Variants in TRPC7 observed in about 807,000 individuals in gnomAD.
TRPC7 encodes transient receptor potential cation channel subfamily C member 7.
TRPC7 carries 42 observed loss-of-function variants against 90.1 expected under a neutral mutation model. The ratio of observed to expected loss-of-function variants is 0.47; its 90% CI spans 0.36 to 0.60. The LOEUF (loss-of-function observed/expected upper bound fraction) is 0.60, where lower values mean the gene tolerates loss of function less well. TRPC7 is among the 20% of genes least tolerant of loss of function. The probability of loss-of-function intolerance (pLI) is 0.00; values close to 1 mark genes in which losing one functional copy is unlikely to be tolerated. For missense variants in TRPC7, 955 were observed against 1,112.3 expected, an observed-to-expected ratio of 0.86 and a Z score of 2.01; for synonymous variants, 451 against 436.3, an observed-to-expected ratio of 1.03 and a Z score of -0.42.
chr5:136,274,837 A>T lies in TRPC7; in HGVS notation c.964T>A (p.Phe322Ile), dbSNP rs1165731705. The T allele has an allele frequency of 2.2e-5, 35 of 1,556,056 alleles. No individual in the cohort carries two copies. The highest frequency in any genetic ancestry group is 3.0e-5 in the Non-Finnish European group (35 of 1,150,226). Residue 322 changes from phenylalanine (F) to isoleucine (I), a missense_variant and splice_region_variant, in exon 4 of 12, where the codon TTC (phenylalanine) becomes ATC (isoleucine). Transcript: ENST00000513104. ...KLAIKYEVKK[F>I]VAHPNCQQQL... ...TGCTGACAGTTAGGATGAGCAACGA[A>T]CTGTAAAAACAAAACAAAAACAAAA...
chr5:136,220,205 C>T (rs978437037), intron 10 of TRPC7, among the ~76,000 whole-genome samples: 1 of 152,144 alleles, frequency 6.6e-6, no homozygotes, highest in Non-Finnish European at 1.5e-5. Context: ...TGAAAAAGAA[C>T]AGAATAACAG....
chr5:136,278,500 A>G (rs904041359), intron 3 of TRPC7, among the ~76,000 whole-genome samples: 1 of 152,248 alleles, frequency 6.6e-6, no homozygotes, highest in African/African-American at 2.4e-5. Context: ...CATGATGAAC[A>G]GATAAATGAT....
intron 3 of TRPC7, among the ~76,000 whole-genome samples, chr5:136,313,168 C>T (rs1042079378): frequency 2.6e-5 from 4 of 152,022 alleles, no homozygotes; most frequent in Non-Finnish European, 5.9e-5. Context: ...AAAACAAAAG[C>T]TGTTTGACTG....
chr5:136,353,342 A>G (rs1288013042), intron 2 of TRPC7, among the ~76,000 whole-genome samples: 1 of 152,216 alleles, frequency 6.6e-6, no homozygotes, highest in Non-Finnish European at 1.5e-5. Flanking sequence ...CTTCCTAGTC[A>G]GGAAGAGTTT....
At chr5:136,251,101 T>C (rs867145176) in intron 6 of TRPC7, among the ~76,000 whole-genome samples, 1 of 152,218 alleles carries the variant, frequency 6.6e-6, no homozygotes, top group Non-Finnish European at 1.5e-5. Context: ...ATGTTATAAC[T>C]ATTATTAGTA....
In TRPC7 at chr5:136,285,796, C is replaced by T. The variant is rs574884774; in HGVS notation, c.964-10959G>A. 2.0e-5 allele frequency among the ~76,000 whole-genome samples: 3 copies of T among 152,268 alleles called. No individual in the cohort carries two copies. The South Asian group carries it at 6.2e-4, about 32-fold the overall frequency. Reference sequence around the variant, plus strand: ...TAGAAAAAACAATTCACATTTCTTCCCATGCCTATAAGGCTTTTGATAGTC... The same window carrying T: ...TAGAAAAAACAATTCACATTTCTTCTCATGCCTATAAGGCTTTTGATAGTC... On this transcript the variant is annotated intron_variant, in intron 3 of 11. Coordinates refer to ENST00000513104, the MANE Select transcript of TRPC7 (RefSeq NM_020389.3).
chr5:136,321,341 A>C (rs1759190387), intron 2 of TRPC7, among the ~76,000 whole-genome samples: 2 of 152,196 alleles, frequency 1.3e-5, no homozygotes, highest in South Asian at 4.1e-4. Flanking sequence ...CAGTAAGTGC[A>C]CAGGTTTTGC....
At position 136,365,467 on chromosome 5, in the gene TRPC7, C is replaced by A; in HGVS notation, c.-213G>T. On this transcript the variant is annotated 5_prime_UTR_variant, in exon 1 of 12. Coordinates refer to ENST00000513104, the MANE Select transcript of TRPC7 (RefSeq NM_020389.3). Reference sequence around the variant, plus strand: ...AGTGGTAAAAACTCGCCTTCCGAGGCAGAACCGTGTTACCGTCCTTTTCCT... The same window carrying A: ...AGTGGTAAAAACTCGCCTTCCGAGGAAGAACCGTGTTACCGTCCTTTTCCT... 1.7e-6 allele frequency: 1 copy of A among 587,936 alleles called. No individual in the cohort carries two copies. The highest frequency in any genetic ancestry group is 2.2e-5 in the South Asian group (1 of 45,496). 36.4% of individuals were successfully genotyped at this position (587,936 alleles called of 1,614,324 possible).
chr5:136,252,776 A>G (rs1756564478), intron 5 of TRPC7, among the ~76,000 whole-genome samples: 1 of 152,166 alleles, frequency 6.6e-6, no homozygotes, highest in South Asian at 2.1e-4. Flanking sequence ...GCCGCTGCTG[A>G]TCTGACAGGA....
At chr5:136,284,164 C>G (rs546928407) in intron 3 of TRPC7, among the ~76,000 whole-genome samples, 10 of 152,252 alleles carry the variant, frequency 6.6e-5, no homozygotes, top group African/African-American at 2.4e-4. Context: ...ATACAGGAGA[C>G]CTCTGATTGC....
intron 4 of TRPC7, among the ~76,000 whole-genome samples, chr5:136,270,573 C>T (rs1425730077): frequency 6.6e-6 from 1 of 152,124 alleles, no homozygotes; most frequent in Non-Finnish European, 1.5e-5. Flanking sequence ...GTTGTGCTAT[C>T]TATATGCAAC....
intron 4 of TRPC7, among the ~76,000 whole-genome samples, chr5:136,273,352 T>C (rs1163314994): frequency 6.6e-6 from 1 of 152,184 alleles, no homozygotes; most frequent in Non-Finnish European, 1.5e-5. Context: ...CCTACATATA[T>C]ATTACTTGGG....
At chr5:136,301,051 T>C (rs1758364245) in intron 3 of TRPC7, among the ~76,000 whole-genome samples, 1 of 152,174 alleles carries the variant, frequency 6.6e-6, no homozygotes, top group Non-Finnish European at 1.5e-5. Flanking sequence ...TTTTCTGAGG[T>C]GGAGTTTCAC....
At chr5:136,246,446 G>C (rs939638632) in intron 7 of TRPC7, among the ~76,000 whole-genome samples, 2 of 152,190 alleles carry the variant, frequency 1.3e-5, no homozygotes, top group Non-Finnish European at 2.9e-5. Context: ...GGACTGATCT[G>C]GATGATAAAT....
chr5:136,356,566 C>A lies in TRPC7; in HGVS notation c.780+42G>T, dbSNP rs1291735912. ...CACACTGGACACACGTGGAAGAGCC[C>A]CCTGGGCAACCTGCCTGCAGGGTGC... On this transcript the variant is annotated intron_variant, in intron 2 of 11. Coordinates refer to ENST00000513104, the MANE Select transcript of TRPC7 (RefSeq NM_020389.3). 4.7e-6 allele frequency: 7 copies of A among 1,496,448 alleles called. No individual in the cohort carries two copies. The Admixed American group carries it at 1.4e-4, about 31-fold the overall frequency. 92.7% of individuals were successfully genotyped at this position (1,496,448 alleles called of 1,614,324 possible).
intron 4 of TRPC7, among the ~76,000 whole-genome samples, chr5:136,267,017 A>G (rs1307351025): frequency 6.6e-6 from 1 of 152,164 alleles, no homozygotes; most frequent in Non-Finnish European, 1.5e-5. Context: ...GGATTATTTC[A>G]TTTCCAGACA....
chr5:136,359,724 G>T (rs1383479689), intron 1 of TRPC7, among the ~76,000 whole-genome samples: 2 of 151,802 alleles, frequency 1.3e-5, no homozygotes, highest in Non-Finnish European at 2.9e-5. Flanking sequence ...TTCCCAAGAG[G>T]CTTTGTTTCA....
chr5:136,219,911 A>G (rs1327951953), intron 10 of TRPC7, among the ~76,000 whole-genome samples: 3 of 152,250 alleles, frequency 2.0e-5, no homozygotes, highest in Non-Finnish European at 4.4e-5. Context: ...TCTGTTTAAC[A>G]TGGATGGCAC....
intron 3 of TRPC7, among the ~76,000 whole-genome samples, chr5:136,297,111 C>A (rs1336445362): frequency 6.6e-6 from 1 of 152,154 alleles, no homozygotes; most frequent in Non-Finnish European, 1.5e-5. Context: ...GCTCTGATCC[C>A]CCTTTCATGG....
Sources: gnomAD v4.1 joint callset for allele counts (sites outside exome capture counted in the v4.1 genomes callset) on GRCh38, gnomAD v4.1.1 for gene constraint, MANE v1.5 for transcripts, NCBI Gene and HGNC (gene_info 2026-07-23, HGNC 2026-07-21) for gene names.